B3GAT2: variants seen among roughly 807,000 people sequenced by gnomAD.
B3GAT2 encodes the protein beta-1,3-glucuronyltransferase 2, also known as galactosylgalactosylxylosylprotein 3-beta-glucuronosyltransferase 2.
Under a neutral mutation model 27.8 loss-of-function variants are expected in B3GAT2, and 26 were observed. The observed-to-expected ratio is 0.93, with a 90% CI of 0.68 to 1.30. The LOEUF is 1.30. Among genes scored for constraint, B3GAT2 ranks in the 50% most tolerant of loss-of-function variants. The pLI is 0.00. For missense variants in B3GAT2, 458 were observed against 459.0 expected, an observed-to-expected ratio of 1.00 and a Z score of 0.02; for synonymous variants, 218 against 195.1, an observed-to-expected ratio of 1.12 and a Z score of -0.98.
rs1771483562 is a variant in B3GAT2 at position 70,857,565 on chromosome 6, G to A, written c.*4098C>T. The A allele has an allele frequency of 4.2e-6, 1 of 236,042 alleles. No homozygotes were observed. The highest frequency in any genetic ancestry group is 8.3e-6 in the Non-Finnish European group (1 of 120,128). The allele number at this position is 236,042 out of a possible 1,614,324, so 14.6% of individuals were successfully genotyped here. On this transcript the variant is annotated 3_prime_UTR_variant, in exon 4 of 4. Coordinates refer to ENST00000230053, the MANE Select transcript of B3GAT2 (RefSeq NM_080742.3). ...CACCTATTGAAGCGAGATATAGTCA[G>A]CTCTCACTTCCCTGTTTCGTACTGG...
Position 70,858,456 on chromosome 6 carries a change from G to A in B3GAT2, c.*3207C>T, listed in dbSNP as rs1168939913. The A allele has an allele frequency of 1.0e-5, 4 of 400,944 alleles. No homozygotes were observed. The East Asian group carries it at 1.4e-4, about 14-fold the overall frequency. The allele number at this position is 400,944 out of a possible 1,614,324, so 24.8% of individuals were successfully genotyped here. ...TTTTAGAGTATTCTGTAAAAAAAAG[G>A]TTAAACATCTTTCATTTCAAATTGT... On this transcript the variant is annotated 3_prime_UTR_variant, in exon 4 of 4. Coordinates refer to ENST00000230053, the MANE Select transcript of B3GAT2 (RefSeq NM_080742.3).
chr6:70,891,186 A>C (rs1230811584), intron 2 of B3GAT2, among the ~76,000 whole-genome samples: 1 of 151,870 alleles, frequency 6.6e-6, no homozygotes, highest in Admixed American at 6.6e-5. Context: ...AACAGTAGAA[A>C]CCCCCCAGGG....
intron 1 of B3GAT2, among the ~76,000 whole-genome samples, chr6:70,915,344 A>G (rs1190537681): frequency 6.6e-6 from 1 of 151,766 alleles, no homozygotes; most frequent in Non-Finnish European, 1.5e-5. Flanking sequence ...TTTTTCTCCC[A>G]TTCTGTAGGT....
intron 1 of B3GAT2, among the ~76,000 whole-genome samples, chr6:70,949,764 T>C (rs556015734): frequency 1.4e-3 from 210 of 151,888 alleles, no homozygotes; most frequent in African/African-American, 4.8e-3. Context: ...TGTATGTTTA[T>C]TGCGGCACTA....
chr6:70,890,513 T>C (rs1468060524), intron 2 of B3GAT2, among the ~76,000 whole-genome samples: 1 of 152,246 alleles, frequency 6.6e-6, no homozygotes, highest in East Asian at 1.9e-4. Context: ...TGGTCCTGAC[T>C]TGTATTCTTT....
chr6:70,889,310 A>ATATC (rs1293048363), intron 2 of B3GAT2, among the ~76,000 whole-genome samples: 44 of 152,260 alleles, frequency 2.9e-4, no homozygotes, highest in African/African-American at 1.0e-3. Flanking sequence ...GAAAGAGGAA[A>ATATC]AAGCTGTTAT....
intron 1 of B3GAT2, among the ~76,000 whole-genome samples, chr6:70,936,047 G>C (rs1229771983): frequency 6.6e-6 from 1 of 151,432 alleles, no homozygotes; most frequent in African/African-American, 2.4e-5. Context: ...AAAATAAAAG[G>C]ATGGAGGAAG....
chr6:70,956,615 G>T lies in B3GAT2; in HGVS notation c.-186C>A. 7.0e-7 allele frequency: 1 copy of T among 1,431,606 alleles called. No individual in the cohort carries two copies. Among genetic ancestry groups the T allele is most frequent in the East Asian group, 2.6e-5 (1 of 38,712 alleles). The allele number at this position is 1,431,606 out of a possible 1,614,324, so 88.7% of individuals were successfully genotyped here. ...CTACCTGGGCGTGGAGGAGCGGCAG[G>T]TTCGCGCAAGCTAGAGCGACAAGGG... On this transcript the variant is annotated 5_prime_UTR_variant, in exon 1 of 4. Coordinates refer to ENST00000230053, the MANE Select transcript of B3GAT2 (RefSeq NM_080742.3).
chr6:70,954,272 C>T (rs1460972147), intron 1 of B3GAT2, among the ~76,000 whole-genome samples: 1 of 152,138 alleles, frequency 6.6e-6, no homozygotes, highest in African/African-American at 2.4e-5. Flanking sequence ...CAGTTAAAAA[C>T]GTCAGATGGT....
intron 2 of B3GAT2, 145 bp from the exon 3 acceptor site, chr6:70,862,123 T>C (rs1771764024): frequency 1.0e-5 from 7 of 690,774 alleles, no homozygotes; most frequent in Non-Finnish European, 1.7e-5. Flanking sequence ...ATAGGAACAT[T>C]ACCTGTATTA....
rs1366400226 is a variant in B3GAT2 at position 70,857,702 on chromosome 6, T to G, written c.*3961A>C. ...GCTGTTGCATATGATTTACATTTCT[T>G]AATTAAATTTACTCAGGTTAATAAC... is the stretch of plus-strand genomic sequence containing the variant. On this transcript the variant is annotated 3_prime_UTR_variant, in exon 4 of 4. Coordinates refer to ENST00000230053, the MANE Select transcript of B3GAT2 (RefSeq NM_080742.3). 1 of 553,870 alleles carries G rather than the reference T, an allele frequency of 1.8e-6. No individual in the cohort carries two copies. Among genetic ancestry groups the G allele is most frequent in the Non-Finnish European group, 3.2e-6 (1 of 312,186 alleles). The allele number at this position is 553,870 out of a possible 1,614,324, so 34.3% of individuals were successfully genotyped here.
intron 1 of B3GAT2, among the ~76,000 whole-genome samples, chr6:70,947,567 T>G (rs1424714333): frequency 1.3e-5 from 2 of 151,586 alleles, no homozygotes; most frequent in African/African-American, 2.4e-5. Context: ...AATAACAGGC[T>G]CTGAAATTGT....
chr6:70,870,977 AG>A (rs1771925306), intron 2 of B3GAT2, among the ~76,000 whole-genome samples: 2 of 152,066 alleles, frequency 1.3e-5, no homozygotes, highest in African/African-American at 4.8e-5. Context: ...GAATTTTGTC[AG>A]GTGCTTTTTC....
intron 1 of B3GAT2, among the ~76,000 whole-genome samples, chr6:70,927,386 T>G (rs1223642391): frequency 6.6e-6 from 1 of 152,096 alleles, no homozygotes; most frequent in Non-Finnish European, 1.5e-5. Flanking sequence ...ACTGGCAAAT[T>G]GGATAAAGAG....
In B3GAT2 at chr6:70,861,719, C is replaced by T. The variant is rs752630184; in HGVS notation, c.916G>A (p.Val306Ile). 2 of 1,614,126 alleles carry T rather than the reference C, an allele frequency of 1.2e-6. No individual in the cohort carries two copies. The highest frequency in any genetic ancestry group is 4.5e-5 in the East Asian group (2 of 44,880). Residue 306 changes from valine to isoleucine, a missense_variant, in exon 4 of 4, where the codon GTT (valine) becomes ATT (isoleucine). By Grantham distance (29) the Val-to-Ile change is conservative. Transcript: ENST00000230053. ...VLVWHTRTEK[V>I]NLANEPKYHL... Reference sequence around the variant, plus strand: ...TACTTTGGCTCGTTGGCTAGATTAACCTTCTCTGTCCGAGTGTGCCACACG... The same window carrying T: ...TACTTTGGCTCGTTGGCTAGATTAATCTTCTCTGTCCGAGTGTGCCACACG...
chr6:70,900,695 G>A (rs979853085), intron 1 of B3GAT2, among the ~76,000 whole-genome samples: 1 of 152,156 alleles, frequency 6.6e-6, no homozygotes, highest in Non-Finnish European at 1.5e-5. Flanking sequence ...CAGCTCCAGG[G>A]ACTGGAACAC....
chr6:70,890,833 T>C (rs906418821), intron 2 of B3GAT2, among the ~76,000 whole-genome samples: 3 of 152,224 alleles, frequency 2.0e-5, no homozygotes. Context: ...GCAACTCAAC[T>C]GGGAACTGCA....
At chr6:70,902,820 TA>T (rs1442777499) in intron 1 of B3GAT2, among the ~76,000 whole-genome samples, 1 of 151,948 alleles carries the variant, frequency 6.6e-6, no homozygotes, top group East Asian at 1.9e-4. Flanking sequence ...GTCTCACTGA[TA>T]AATGGAATCT....
chr6:70,949,766 G>T, intron 1 of B3GAT2, among the ~76,000 whole-genome samples: 1 of 151,672 alleles, frequency 6.6e-6, no homozygotes, highest in Non-Finnish European at 1.5e-5. Context: ...TATGTTTATT[G>T]CGGCACTATT....
Sources: gnomAD v4.1 joint callset for allele counts (sites outside exome capture counted in the v4.1 genomes callset) on GRCh38, gnomAD v4.1.1 for gene constraint, MANE v1.5 for transcripts, NCBI Gene and HGNC (gene_info 2026-07-23, HGNC 2026-07-21) for gene names.